The following NRDC variants were observed in gnomAD, a reference collection of about 807,000 sequenced individuals.
NRDC encodes the protein nardilysin.
NRDC carries 54 observed loss-of-function variants against 147.1 expected under a neutral mutation model. That is an observed-to-expected ratio of 0.37 (90% CI 0.29 to 0.46). The LOEUF is 0.46. Among genes scored for constraint, NRDC ranks in the 20% least tolerant of loss-of-function variants. The pLI is 1.00. For missense variants in NRDC, 1,082 were observed against 1,370.6 expected (o/e 0.79, Z 3.33); for synonymous variants, 440 against 482.1 (o/e 0.91, Z 1.14).
intron 1 of NRDC, among the ~76,000 whole-genome samples, chr1:51,872,619 G>T (rs1683136260): frequency 6.6e-6 from 1 of 152,164 alleles, no homozygotes; most frequent in African/African-American, 2.4e-5. Flanking sequence ...GGGGAGGATG[G>T]CTTGAACCTG....
intron 17 of NRDC, among the ~76,000 whole-genome samples, 199 bp from the exon 18 acceptor site, chr1:51,807,112 T>C (rs1679503729): frequency 6.6e-6 from 1 of 152,230 alleles, no homozygotes; most frequent in South Asian, 2.1e-4. Context: ...TCTAAAGATC[T>C]GGAATTTCCC....
At chr1:51,854,113 T>A (rs1682119199) in intron 1 of NRDC, among the ~76,000 whole-genome samples, 1 of 152,184 alleles carries the variant, frequency 6.6e-6, no homozygotes, top group Non-Finnish European at 1.5e-5. Flanking sequence ...CTCACACCTG[T>A]AATCCCAGCA....
rs147768209 is a variant in NRDC, at chr1:51,808,846, C to A, written c.1990+469G>T. Among the ~76,000 whole-genome samples, 3 of 152,306 alleles carry A rather than the reference C, an allele frequency of 2.0e-5. No homozygotes were observed. The East Asian group carries it at 5.8e-4, about 29-fold the overall frequency. On this transcript the variant is annotated intron_variant, in intron 17 of 30. Transcript: ENST00000352171. ...CTTAAAATAACATTATTTCTACATG[C>A]AATGAAACACTTTGCTATTTTCTAT...
Position 51,834,013 on chromosome 1 carries a change from T to G in NRDC, c.866+4A>C. 1 of 1,612,556 alleles carries G rather than the reference T, an allele frequency of 6.2e-7. No individual in the cohort carries two copies. Among genetic ancestry groups the G allele is most frequent in the Non-Finnish European group, 8.5e-7 (1 of 1,178,836 alleles). ...AAAATTAAAGTATATTTAGAGTTAG[T>G]TACCTATCAAGAGCTTCCTTGAAGT... On this transcript the variant is annotated splice_donor_region_variant and intron_variant, in intron 4 of 30. Coordinates refer to ENST00000352171, the MANE Select transcript of NRDC (RefSeq NM_001101662.2).
chr1:51,798,437 CT>C, intron 21 of NRDC, 26 bp from the exon 22 acceptor site: 5 of 1,555,688 alleles, frequency 3.2e-6, no homozygotes, highest in Non-Finnish European at 4.4e-6. Context: ...AAAAAAAACA[CT>C]CAAAGTTTTG....
chr1:51,798,060 A>G (rs1396887444), intron 22 of NRDC, 189 bp downstream of exon 22: 15 of 537,246 alleles, frequency 2.8e-5, no homozygotes, highest in Non-Finnish European at 4.5e-5. Flanking sequence ...GTGAGCCATC[A>G]TTCCCAGCCC....
At chr1:51,801,069 G>A (rs974325303) in intron 20 of NRDC, 3 of 155,308 alleles carry the variant, frequency 1.9e-5, no homozygotes, top group Non-Finnish European at 4.3e-5. Context: ...TCTCAAACTC[G>A]TGGCCTCAAG....
intron 1 of NRDC, among the ~76,000 whole-genome samples, chr1:51,873,504 T>TTTAC (rs1352142760): frequency 1.3e-5 from 2 of 150,326 alleles, no homozygotes; most frequent in Non-Finnish European, 3.0e-5. Flanking sequence ...TATTTATTTA[T>TTTAC]TTATTTATTT....
At chr1:51,854,146 G>T (rs1449575515) in intron 1 of NRDC, among the ~76,000 whole-genome samples, 1 of 152,090 alleles carries the variant, frequency 6.6e-6, no homozygotes, top group Non-Finnish European at 1.5e-5. Flanking sequence ...GAGGCGGGTG[G>T]ATCACGAGGT....
intron 7 of NRDC, among the ~76,000 whole-genome samples, chr1:51,822,953 A>G (rs931094565): frequency 5.3e-5 from 8 of 152,258 alleles, no homozygotes; most frequent in Non-Finnish European, 8.8e-5. Flanking sequence ...TGAGAGGATT[A>G]GCATTTCAAA....
chr1:51,846,090 G>A (rs1269958866), intron 1 of NRDC, among the ~76,000 whole-genome samples: 1 of 151,650 alleles, frequency 6.6e-6, no homozygotes, highest in Non-Finnish European at 1.5e-5. Context: ...AAAAACTAGA[G>A]ATACAAAGAT....
rs1678650419 is a variant in NRDC at position 51,791,469 on chromosome 1, T to C, written c.2960+109A>G. The C allele has an allele frequency of 3.1e-5, 26 of 844,356 alleles. 1 individual carries two copies. The South Asian group carries it at 3.2e-4, about 10-fold the overall frequency. The allele number at this position is 844,356 out of a possible 1,614,324, so 52.3% of individuals were successfully genotyped here. A position where few individuals can be genotyped will look rare whatever the true frequency, so the allele number is the denominator to read the frequency against. On this transcript the variant is annotated intron_variant, in intron 27 of 30. Coordinates refer to ENST00000352171, the MANE Select transcript of NRDC (RefSeq NM_001101662.2). ...ATCTTCCCAGCTTCCACTGACTAAA[T>C]AGAGCAAACCTGCTTGGTCAGGGTT...
At chr1:51,873,911 G>C (rs1034532687) in intron 1 of NRDC, among the ~76,000 whole-genome samples, 1 of 151,854 alleles carries the variant, frequency 6.6e-6, no homozygotes, top group Non-Finnish European at 1.5e-5. Context: ...CTTTTCGACA[G>C]GGCGTGGTAG....
chr1:51,814,476 C>T, intron 13 of NRDC, 75 bp downstream of exon 13: 2 of 1,410,676 alleles, frequency 1.4e-6, no homozygotes, highest in African/African-American at 2.9e-5. Context: ...AAGACTAAAG[C>T]ATGTCTACCG....
At chr1:51,804,711 TAC>T (rs1679378823) in intron 19 of NRDC, among the ~76,000 whole-genome samples, 1 of 138,804 alleles carries the variant, frequency 7.2e-6, no homozygotes, top group African/African-American at 2.7e-5. Context: ...TATGTTCAGA[TAC>T]ATTTCCCAAG....
intron 1 of NRDC, among the ~76,000 whole-genome samples, chr1:51,869,688 T>C (rs1035736347): frequency 6.6e-6 from 1 of 152,224 alleles, no homozygotes; most frequent in Admixed American, 6.5e-5. Flanking sequence ...AACTTTTTAC[T>C]ACTACAAAAA....
intron 1 of NRDC, among the ~76,000 whole-genome samples, chr1:51,850,730 C>A (rs1173451371): frequency 6.6e-6 from 1 of 152,146 alleles, no homozygotes; most frequent in Non-Finnish European, 1.5e-5. Context: ...ACACAGACCT[C>A]AGATAAGGAG....
intron 4 of NRDC, among the ~76,000 whole-genome samples, chr1:51,832,917 G>T (rs753995662): frequency 6.6e-6 from 1 of 151,910 alleles, no homozygotes; most frequent in Non-Finnish European, 1.5e-5. Context: ...ACACCTTATG[G>T]TACTTCTATA....
chr1:51,878,241 T>C, intron 1 of NRDC, 34 bp downstream of exon 1: 1 of 1,580,032 alleles, frequency 6.3e-7, no homozygotes, highest in Non-Finnish European at 8.6e-7. Flanking sequence ...GCCGGCACAC[T>C]GTTCGCCTCC....
Sources: gnomAD v4.1 joint callset for allele counts (sites outside exome capture counted in the v4.1 genomes callset) on GRCh38, gnomAD v4.1.1 for gene constraint, MANE v1.5 for transcripts, NCBI Gene and HGNC (gene_info 2026-07-23, HGNC 2026-07-21) for gene names.